Variants in BTBD9 observed in about 807,000 individuals in gnomAD.
The protein encoded by BTBD9 is BTB/POZ domain-containing protein 9.
In BTBD9, 49 loss-of-function variants were observed where a neutral mutation model predicts 64.3. That is an observed-to-expected ratio of 0.76 (90% CI 0.61 to 0.97). The LOEUF (loss-of-function observed/expected upper bound fraction) is 0.97, where lower values mean the gene tolerates loss of function less well. Ranked by LOEUF, BTBD9 falls within the 50% of genes least tolerant of loss-of-function variation. BTBD9 has a pLI of 0.00. For missense variants in BTBD9, 598 were observed against 762.1 expected, an observed-to-expected ratio of 0.78 and a Z score of 2.53; for synonymous variants, 260 against 274.7, an observed-to-expected ratio of 0.95 and a Z score of 0.53.
intron 6 of BTBD9, among the ~76,000 whole-genome samples, chr6:38,546,825 T>G (rs1272094105): frequency 6.6e-6 from 1 of 152,082 alleles, no homozygotes; most frequent in African/African-American, 2.4e-5. Flanking sequence ...CCCACCACCA[T>G]GCCCAGCTAA....
chr6:38,588,296 C>G, intron 4 of BTBD9: 2 of 1,103,720 alleles, frequency 1.8e-6, no homozygotes, highest in Non-Finnish European at 2.8e-6. Flanking sequence ...CAGTACCAGG[C>G]AAGCAATTAT....
rs1198955278 is a variant in BTBD9, at chr6:38,266,578, AGAAAGAAAGGAAAGAAAG to A, written c.1455-10080_1455-10063del. ...ACAAGAGCAAAACTCAGTCTCAACAAGAAAGAAAGGAAAGAAAGGAAAGAAAGGAAAGAAAGAAAGAAA... is the reference window on the plus strand; with the variant it reads ...ACAAGAGCAAAACTCAGTCTCAACAAGAAAGAAAGGAAAGAAAGAAAGAAA... On this transcript the variant is annotated intron_variant, in intron 8 of 10. Coordinates refer to ENST00000481247, the MANE Select transcript of BTBD9 (RefSeq NM_001099272.2). 3.7e-3 allele frequency among the ~76,000 whole-genome samples: 534 copies of A among 145,622 alleles called. 6 individuals are homozygous for A. Among genetic ancestry groups the A allele is most frequent in the Admixed American group, 0.016 (217 of 13,804 alleles).
chr6:38,616,119 C>T (rs1358161867), intron 1 of BTBD9, among the ~76,000 whole-genome samples: 1 of 152,146 alleles, frequency 6.6e-6, no homozygotes, highest in African/African-American at 2.4e-5. Context: ...TTGGCTAGGA[C>T]TTGGGGGTGG....
At chr6:38,622,259 T>C (rs920150972) in intron 1 of BTBD9, among the ~76,000 whole-genome samples, 6 of 152,238 alleles carry the variant, frequency 3.9e-5, no homozygotes, top group African/African-American at 1.4e-4. Flanking sequence ...GCAGTTAGAC[T>C]TCTCCCATAT....
intron 9 of BTBD9, among the ~76,000 whole-genome samples, chr6:38,230,265 C>G (rs1167276011): frequency 6.6e-6 from 1 of 152,170 alleles, no homozygotes; most frequent in Non-Finnish European, 1.5e-5. Context: ...GAGGCCAAGG[C>G]AGACAGATCA....
chr6:38,334,117 T>C (rs999420416), intron 7 of BTBD9, among the ~76,000 whole-genome samples: 2 of 152,206 alleles, frequency 1.3e-5, no homozygotes, highest in Non-Finnish European at 2.9e-5. Context: ...CCCCCTGCTC[T>C]AGGGATGTGT....
At chr6:38,375,919 G>C (rs1433567780) in intron 6 of BTBD9, among the ~76,000 whole-genome samples, 1 of 137,032 alleles carries the variant, frequency 7.3e-6, no homozygotes, top group Admixed American at 7.3e-5. Flanking sequence ...AAGAAAGAAA[G>C]AAAGAAAGAA....
At chr6:38,227,535 G>A (rs1372817363) in intron 9 of BTBD9, among the ~76,000 whole-genome samples, 1 of 152,212 alleles carries the variant, frequency 6.6e-6, no homozygotes, top group Non-Finnish European at 1.5e-5. Flanking sequence ...GGGAAGGAAG[G>A]TGATCAGAAA....
intron 6 of BTBD9, among the ~76,000 whole-genome samples, chr6:38,498,464 A>AG (rs1772052679): frequency 6.6e-6 from 1 of 151,606 alleles, no homozygotes; most frequent in Non-Finnish European, 1.5e-5. Context: ...TACTAAAAAA[A>AG]AAAAAAAAAA....
chr6:38,337,417 A>C (rs1168969524), intron 7 of BTBD9, among the ~76,000 whole-genome samples: 3 of 152,256 alleles, frequency 2.0e-5, no homozygotes, highest in Admixed American at 6.5e-5. Context: ...TCTATTTACT[A>C]TCTTCAGCTC....
rs368215166 is a variant in BTBD9 at position 38,412,833 on chromosome 6, T to G, written c.1155-67740A>C. On this transcript the variant is annotated intron_variant, in intron 6 of 10. Transcript: ENST00000481247. ...GAGATCAGACCACTGCACTCCAGCC[T>G]GGGTGACAAAGCGAGACTCCATCTC... Among the ~76,000 whole-genome samples the G allele has an allele frequency of 2.3e-4, 34 of 149,372 alleles. No individual in the cohort carries two copies. The South Asian group carries it at 7.1e-3, about 31-fold the overall frequency.
Position 38,192,576 on chromosome 6 carries a change from A to C in BTBD9, c.1584T>G (p.Phe528Leu). The C allele has an allele frequency of 6.2e-7, 1 of 1,613,870 alleles. No homozygotes were observed. Among genetic ancestry groups the C allele is most frequent in the African/African-American group, 1.3e-5 (1 of 75,010 alleles). ...GGATGAAGGAGGCAGGCTGCCTTTC[A>C]AAAGTTACTGACTGCCAGGACCTGT... ...VSCKSWQSVTFERQPASFIRI... is the reference protein window; with the variant it reads ...VSCKSWQSVTLERQPASFIRI... Residue 528 changes from phenylalanine (F) to leucine (L), a missense_variant, in exon 10 of 11, where the codon TTT (phenylalanine) becomes TTG (leucine). By Grantham distance (22) the Phe-to-Leu change is conservative (BLOSUM62 0). Transcript: ENST00000481247.
chr6:38,444,389 C>T (rs1769178259), intron 6 of BTBD9, among the ~76,000 whole-genome samples: 1 of 152,222 alleles, frequency 6.6e-6, no homozygotes, highest in Non-Finnish European at 1.5e-5. Context: ...TTCCTGGTTA[C>T]TTAGTCCAGC....
intron 6 of BTBD9, among the ~76,000 whole-genome samples, chr6:38,443,453 C>T (rs1278526393): frequency 1.3e-5 from 2 of 152,198 alleles, no homozygotes; most frequent in Non-Finnish European, 2.9e-5. Flanking sequence ...GTCTCACTTT[C>T]CCCTTATTCT....
In BTBD9 at chr6:38,487,858, T is replaced by A. The variant is rs144874351; in HGVS notation, c.1154+89742A>T. Among the ~76,000 whole-genome samples, 793 of 152,320 alleles carry A rather than the reference T, an allele frequency of 5.2e-3. 12 individuals are homozygous for A. The highest frequency in any genetic ancestry group is 0.018 in the African/African-American group (761 of 41,576). On this transcript the variant is annotated intron_variant, in intron 6 of 10. Transcript: ENST00000481247. Reference sequence around the variant, plus strand: ...TTTAAAGTATTGTTTAGAAAAAGAATAATTTGTAACAGAGACTTTATGTTG... The same window carrying A: ...TTTAAAGTATTGTTTAGAAAAAGAAAAATTTGTAACAGAGACTTTATGTTG...
intron 6 of BTBD9, among the ~76,000 whole-genome samples, chr6:38,418,748 G>A (rs1425834411): frequency 6.6e-6 from 1 of 152,182 alleles, no homozygotes; most frequent in African/African-American, 2.4e-5. Flanking sequence ...AAAAGAGTAA[G>A]TTCTTTTAGA....
chr6:38,535,654 AAC>A (rs1678863802), intron 6 of BTBD9, among the ~76,000 whole-genome samples: 1 of 152,126 alleles, frequency 6.6e-6, no homozygotes, highest in South Asian at 2.1e-4. Context: ...GGCATTAAAA[AAC>A]AGATACATAG....
At chr6:38,584,089 G>A (rs1308670468) in intron 4 of BTBD9, among the ~76,000 whole-genome samples, 1 of 152,106 alleles carries the variant, frequency 6.6e-6, no homozygotes, top group Non-Finnish European at 1.5e-5. Flanking sequence ...CACTTTGGGA[G>A]GCCGAGACAG....
chr6:38,473,481 T>C (rs894118150), intron 6 of BTBD9, among the ~76,000 whole-genome samples: 1 of 152,214 alleles, frequency 6.6e-6, no homozygotes, highest in African/African-American at 2.4e-5. Flanking sequence ...TTTCTGTCAG[T>C]GCTATTTTAA....
Sources: allele counts gnomAD v4.1 joint callset (sites outside exome capture counted in the v4.1 genomes callset), GRCh38; gene constraint gnomAD v4.1.1; transcripts MANE v1.5; gene names NCBI Gene and HGNC (gene_info 2026-07-23, HGNC 2026-07-21).